CCDC138: variants seen among roughly 807,000 people sequenced by gnomAD.
CCDC138 encodes coiled-coil domain containing 138, also known as coiled-coil domain-containing protein 138.
A neutral mutation model predicts 82.3 loss-of-function variants in CCDC138; 66 were observed. The observed-to-expected ratio is 0.80, with a 90% confidence interval of 0.66 to 0.98. The LOEUF (loss-of-function observed/expected upper bound fraction) is 0.98. Among genes scored for constraint, CCDC138 ranks in the 50% least tolerant of loss-of-function variants. The probability of loss-of-function intolerance (pLI) is 0.00; values close to 1 mark genes in which losing one functional copy is unlikely to be tolerated. For missense variants in CCDC138, 816 were observed against 758.9 expected (o/e 1.08, Z -0.88); for synonymous variants, 297 against 265.4 (o/e 1.12, Z -1.16).
intron 10 of CCDC138, 69 bp from the exon 11 acceptor site, chr2:108,839,116 G>T: frequency 1.4e-6 from 2 of 1,436,654 alleles, no homozygotes; most frequent in Non-Finnish European, 1.8e-6. Flanking sequence ...TTGGAAAATT[G>T]TGGTAATTGA....
downstream of CCDC138, among the ~76,000 whole-genome samples, chr2:108,880,175 T>G (rs1442559440): frequency 7.0e-6 from 1 of 143,724 alleles, no homozygotes; most frequent in Non-Finnish European, 1.5e-5. Flanking sequence ...TTAATAAGCT[T>G]CCAGACAGGG....
chr2:108,794,753 A>T, intron 5 of CCDC138, 32 bp downstream of exon 5: 1 of 1,485,156 alleles, frequency 6.7e-7, no homozygotes, highest in Non-Finnish European at 9.3e-7. Context: ...GAGAATTCAG[A>T]AATATTTATG....
At chr2:108,860,610 AT>A (rs918387463) in intron 13 of CCDC138, among the ~76,000 whole-genome samples, 1 of 149,870 alleles carries the variant, frequency 6.7e-6, no homozygotes, top group Non-Finnish European at 1.5e-5. Flanking sequence ...ACATTTACTG[AT>A]TTGCGTATAT....
chr2:108,839,139 A>G (rs769832594), intron 10 of CCDC138, 46 bp from the exon 11 acceptor site: 8 of 1,536,864 alleles, frequency 5.2e-6, no homozygotes, highest in East Asian at 2.3e-5. Context: ...TAAGACATTT[A>G]AAAATACTGT....
intron 14 of CCDC138, among the ~76,000 whole-genome samples, chr2:108,874,851 T>C (rs1477775578): frequency 6.6e-6 from 1 of 152,176 alleles, no homozygotes; most frequent in East Asian, 1.9e-4. Flanking sequence ...CTATTGCAGT[T>C]ACCTTATGGT....
Position 108,794,775 on chromosome 2 carries a change from A to C in CCDC138, c.576+54A>C. 3 of 1,351,576 alleles carry C rather than the reference A, an allele frequency of 2.2e-6. No individual in the cohort carries two copies. In the South Asian group the frequency reaches 4.0e-5, roughly 18 times the overall value. The allele number at this position is 1,351,576 out of a possible 1,614,324, so 83.7% of individuals were successfully genotyped here. On this transcript the variant is annotated intron_variant, in intron 5 of 14. Coordinates refer to ENST00000295124, the MANE Select transcript of CCDC138 (RefSeq NM_144978.3). ...CAGAAATATTTATGTTCTAAGAACC[A>C]AGCATTTACGAAATTTGAATATAAT...
Position 108,788,907 on chromosome 2 carries a change from T to C in CCDC138, c.207T>C (p.Asp69=), listed in dbSNP as rs749371791. The change falls in exon 3 of 15, where the codon GAT becomes GAC. Residue 69 remains aspartate, a synonymous_variant. Coordinates refer to ENST00000295124, the MANE Select transcript of CCDC138 (RefSeq NM_144978.3). ...TTGGTTCATCGTTAAAATATTCTGA[T>C]GAAAGCAAGCATTGTAGAACACCAT... The part of the protein sequence containing the change: ...DKVGSSLKYS[D]ESKHCRTPLG... 1 of 1,614,150 alleles carries C rather than the reference T, an allele frequency of 6.2e-7. No individual in the cohort carries two copies. The highest frequency in any genetic ancestry group is 1.3e-5 in the African/African-American group (1 of 75,056).
At chr2:108,877,144 A>G (rs766171732), downstream of CCDC138, among the ~76,000 whole-genome samples, 2 of 152,192 alleles carry the variant, frequency 1.3e-5, no homozygotes, top group Non-Finnish European at 1.5e-5. Context: ...AGAACAGGCC[A>G]AGGTGAGAAT....
At chr2:108,879,655 A>G (rs944467852), downstream of CCDC138, among the ~76,000 whole-genome samples, 15 of 152,220 alleles carry the variant, frequency 9.9e-5, no homozygotes, top group African/African-American at 3.6e-4. Flanking sequence ...AATCCTCATA[A>G]TAACTTTGTG....
chr2:108,804,565 C>T (rs529290548), intron 6 of CCDC138, among the ~76,000 whole-genome samples: 1 of 152,030 alleles, frequency 6.6e-6, no homozygotes, highest in South Asian at 2.1e-4. Flanking sequence ...TTTTATTATT[C>T]CATGATGTCA....
At chr2:108,866,123 T>G (rs1462315097) in intron 13 of CCDC138, among the ~76,000 whole-genome samples, 3 of 152,124 alleles carry the variant, frequency 2.0e-5, no homozygotes, top group Non-Finnish European at 2.9e-5. Flanking sequence ...CCTCTTAAAG[T>G]TTCTGGATTT....
intron 5 of CCDC138, among the ~76,000 whole-genome samples, chr2:108,796,611 ATC>A (rs1680949700): frequency 6.6e-6 from 1 of 152,250 alleles, no homozygotes; most frequent in South Asian, 2.1e-4. Context: ...AAAATGTGGT[ATC>A]TATACACAAT....
At chr2:108,812,585 C>T in intron 7 of CCDC138, 46 bp from the exon 8 acceptor site, 5 of 1,394,250 alleles carry the variant, frequency 3.6e-6, no homozygotes, top group African/African-American at 1.4e-5. Context: ...AGTATGAAAC[C>T]AGTTGAAGGT....
downstream of CCDC138, among the ~76,000 whole-genome samples, chr2:108,877,950 G>A (rs943468839): frequency 2.0e-5 from 3 of 152,188 alleles, no homozygotes; most frequent in Non-Finnish European, 4.4e-5. Flanking sequence ...AGCTCTACAG[G>A]AGAAGATTTT....
intron 11 of CCDC138, among the ~76,000 whole-genome samples, chr2:108,842,209 T>G (rs1689620870): frequency 6.6e-6 from 1 of 151,944 alleles, no homozygotes; most frequent in African/African-American, 2.4e-5. Context: ...AAAGTTTTTT[T>G]TTTTTTTTTG....
intron 6 of CCDC138, among the ~76,000 whole-genome samples, chr2:108,800,798 C>A (rs1252792345): frequency 2.7e-5 from 3 of 111,240 alleles, no homozygotes; most frequent in African/African-American, 1.1e-4. Context: ...CCACCACAGT[C>A]CCCAGAGTGT....
rs1323223346 is a variant in CCDC138 at position 108,871,995 on chromosome 2, CCT to C, written c.1694-1450_1694-1449del. On this transcript the variant is annotated intron_variant, in intron 13 of 14. Coordinates refer to ENST00000295124, the MANE Select transcript of CCDC138 (RefSeq NM_144978.3). ...TAATTTTGAATGATCTTTTAATTCC[CCT>C]CTCTCACACGTACTTTGCCCTACTT... 3.9e-5 allele frequency among the ~76,000 whole-genome samples: 6 copies of C among 152,178 alleles called. No homozygotes were observed. The East Asian group carries it at 9.7e-4, about 24-fold the overall frequency.
chr2:108,823,248 C>T (rs184510600), intron 10 of CCDC138, among the ~76,000 whole-genome samples: 78 of 152,218 alleles, frequency 5.1e-4, no homozygotes, highest in Admixed American at 2.7e-3. Flanking sequence ...TCATATTCTT[C>T]GAAAAAATTG....
intron 10 of CCDC138, among the ~76,000 whole-genome samples, chr2:108,821,238 A>G (rs1262059428): frequency 6.6e-6 from 1 of 152,120 alleles, no homozygotes; most frequent in Non-Finnish European, 1.5e-5. Flanking sequence ...CGTGCCTGTA[A>G]TCCCAGCTAC....
Sources: gnomAD v4.1 joint callset for allele counts (sites outside exome capture counted in the v4.1 genomes callset) on GRCh38, gnomAD v4.1.1 for gene constraint, MANE v1.5 for transcripts, NCBI Gene and HGNC (gene_info 2026-07-23, HGNC 2026-07-21) for gene names.